The following LRBA variants were observed in gnomAD, a reference collection of about 807,000 sequenced individuals.
LRBA encodes the protein lipopolysaccharide-responsive and beige-like anchor protein.
LRBA carries 176 observed loss-of-function variants against 330.0 expected under a neutral mutation model. The ratio of observed to expected loss-of-function variants is 0.53; its 90% CI spans 0.47 to 0.60. The LOEUF (loss-of-function observed/expected upper bound fraction) is 0.60, where lower values mean the gene tolerates loss of function less well. Ranked by LOEUF, LRBA falls within the 20% of genes least tolerant of loss-of-function variation. The pLI, the probability that LRBA is intolerant of heterozygous loss-of-function variation, is 0.00. For missense variants in LRBA, 3,259 were observed against 3,444.8 expected (o/e 0.95, Z 1.35); for synonymous variants, 1,230 against 1,193.0 (o/e 1.03, Z -0.64).
chr4:150,436,943 T>C, intron 44 of LRBA, 79 bp from the exon 45 acceptor site: 1 of 1,257,306 alleles, frequency 8.0e-7, no homozygotes, highest in Admixed American at 1.9e-5. Flanking sequence ...GATGATATCC[T>C]ACTGGTAAGT....
chr4:150,492,789 GT>G (rs967222606), intron 40 of LRBA, among the ~76,000 whole-genome samples: 2 of 151,952 alleles, frequency 1.3e-5, no homozygotes, highest in Non-Finnish European at 2.9e-5. Context: ...TTTTGCCCTT[GT>G]TTTCCACTCT....
intron 40 of LRBA, among the ~76,000 whole-genome samples, chr4:150,502,568 CA>C (rs1760420570): frequency 2.0e-5 from 3 of 152,076 alleles, no homozygotes; most frequent in Admixed American, 2.0e-4. Flanking sequence ...AAAAAGACAT[CA>C]AGGGGAGCCA....
intron 44 of LRBA, among the ~76,000 whole-genome samples, chr4:150,466,723 A>G (rs1237852776): frequency 6.6e-6 from 1 of 152,128 alleles, no homozygotes. Flanking sequence ...TAGGAAAAAG[A>G]CTGGATATTC....
chr4:150,502,057 C>G (rs2152118810), intron 40 of LRBA, among the ~76,000 whole-genome samples: 1 of 152,296 alleles, frequency 6.6e-6, no homozygotes, highest in East Asian at 1.9e-4. Context: ...GGCAGAGTAG[C>G]AGATCAGAGA....
rs78401734 is a variant in LRBA at position 150,998,957 on chromosome 4, T to C, written c.216+15470A>G. On this transcript the variant is annotated intron_variant, in intron 2 of 56. Coordinates refer to ENST00000651943, the MANE Select transcript of LRBA (RefSeq NM_001364905.1). ...CTAAGTTGGTCCTATATTTATTCAA[T>C]GGCTATCACACATTCATCACTTCGT... Among the ~76,000 whole-genome samples, 201 of 152,364 alleles carry C rather than the reference T, an allele frequency of 1.3e-3. 3 individuals are homozygous for C. The East Asian group carries it at 0.036, about 27-fold the overall frequency.
intron 40 of LRBA, among the ~76,000 whole-genome samples, chr4:150,494,861 G>C (rs1006229129): frequency 7.9e-5 from 12 of 152,096 alleles, no homozygotes; most frequent in Non-Finnish European, 5.9e-5. Context: ...TTAGCCAGGC[G>C]TGGTTGCGGG....
intron 48 of LRBA, among the ~76,000 whole-genome samples, chr4:150,337,835 G>T (rs1734953337): frequency 6.6e-6 from 1 of 152,024 alleles, no homozygotes; most frequent in Non-Finnish European, 1.5e-5. Context: ...CAGGCTTACA[G>T]ACCACTCCCC....
chr4:150,672,762 T>C (rs567738813), intron 37 of LRBA, among the ~76,000 whole-genome samples: 29 of 152,266 alleles, frequency 1.9e-4, no homozygotes, highest in Non-Finnish European at 2.8e-4. Flanking sequence ...ATCTGTTAAA[T>C]TCTAAGCTAC....
intron 54 of LRBA, among the ~76,000 whole-genome samples, chr4:150,283,977 A>G (rs930422215): frequency 1.3e-5 from 2 of 152,206 alleles, no homozygotes; most frequent in African/African-American, 4.8e-5. Flanking sequence ...GTAACATTTC[A>G]CAAAAATGGA....
chr4:150,489,523 G>T (rs1411499024), intron 41 of LRBA, among the ~76,000 whole-genome samples: 1 of 92,420 alleles, frequency 1.1e-5, no homozygotes, highest in African/African-American at 4.8e-5. Context: ...TAATATATAA[G>T]AATACATAAT....
At chr4:150,775,052 A>G (rs1285158906) in intron 34 of LRBA, among the ~76,000 whole-genome samples, 1 of 152,090 alleles carries the variant, frequency 6.6e-6, no homozygotes, top group African/African-American at 2.4e-5. Flanking sequence ...ACCACATTCA[A>G]CTTGCCTTTG....
At chr4:150,358,129 T>C (rs1738143175) in intron 47 of LRBA, among the ~76,000 whole-genome samples, 1 of 152,136 alleles carries the variant, frequency 6.6e-6, no homozygotes, top group African/African-American at 2.4e-5. Context: ...TATAGACAAA[T>C]GGGGAGACCA....
intron 37 of LRBA, among the ~76,000 whole-genome samples, chr4:150,626,039 A>C (rs936976459): frequency 6.6e-6 from 1 of 151,570 alleles, no homozygotes; most frequent in Non-Finnish European, 1.5e-5. Context: ...TCTAATGTCT[A>C]GCCAGGATGA....
chr4:150,944,921 G>A (rs938858609), intron 2 of LRBA, among the ~76,000 whole-genome samples: 2 of 152,146 alleles, frequency 1.3e-5, no homozygotes, highest in Admixed American at 6.5e-5. Context: ...TTTATAAAGG[G>A]CAGTTACCCT....
At chr4:150,488,333 G>C (rs1311150468) in intron 41 of LRBA, among the ~76,000 whole-genome samples, 2 of 151,544 alleles carry the variant, frequency 1.3e-5, no homozygotes, top group Non-Finnish European at 3.0e-5. Flanking sequence ...CAATCATTAA[G>C]TTTTAAAACA....
At chr4:150,293,539 A>T (rs1728591398) in intron 53 of LRBA, among the ~76,000 whole-genome samples, 1 of 152,208 alleles carries the variant, frequency 6.6e-6, no homozygotes, top group Non-Finnish European at 1.5e-5. Flanking sequence ...TACAACAACC[A>T]TCAGACAGGA....
At chr4:150,604,213 A>C (rs919135656) in intron 37 of LRBA, among the ~76,000 whole-genome samples, 7 of 152,050 alleles carry the variant, frequency 4.6e-5, no homozygotes, top group Non-Finnish European at 1.0e-4. Context: ...GTTCAAGACC[A>C]GCCTGGGCAA....
intron 2 of LRBA, among the ~76,000 whole-genome samples, chr4:150,938,339 G>C (rs1164037120): frequency 6.6e-6 from 1 of 152,108 alleles, no homozygotes; most frequent in Non-Finnish European, 1.5e-5. Flanking sequence ...TTTCCTAAGT[G>C]AATGTTACCT....
At chr4:150,654,018 T>C (rs1779946725) in intron 37 of LRBA, among the ~76,000 whole-genome samples, 1 of 152,162 alleles carries the variant, frequency 6.6e-6, no homozygotes, top group African/African-American at 2.4e-5. Flanking sequence ...GATTACTGAG[T>C]TCTAAAGTTA....
Sources: allele counts gnomAD v4.1 joint callset (sites outside exome capture counted in the v4.1 genomes callset), GRCh38; gene constraint gnomAD v4.1.1; transcripts MANE v1.5; gene names NCBI Gene and HGNC (gene_info 2026-07-23, HGNC 2026-07-21).